VGLL2: variants seen among roughly 807,000 people sequenced by gnomAD.
VGLL2 encodes the protein transcription cofactor vestigial-like protein 2.
VGLL2 carries 18 observed loss-of-function variants against 27.0 expected under a neutral mutation model. The observed-to-expected ratio is 0.67, with a 90% CI of 0.46 to 0.99. VGLL2 has a LOEUF of 0.99. Among genes scored for constraint, VGLL2 ranks in the 50% least tolerant of loss-of-function variants. VGLL2 has a pLI of 0.00. For synonymous variants in VGLL2, 220 were observed against 201.1 expected, an observed-to-expected ratio of 1.09 and a Z score of -0.80; for missense variants, 491 against 452.3, an observed-to-expected ratio of 1.09 and a Z score of -0.78.
chr6:117,270,976 G>A lies in VGLL2; in HGVS notation c.825G>A (p.Pro275=). 2 of 1,231,648 alleles carry A rather than the reference G, an allele frequency of 1.6e-6. No individual in the cohort carries two copies. The highest frequency in any genetic ancestry group is 6.4e-5 in the East Asian group (2 of 31,040). The allele number at this position is 1,231,648 out of a possible 1,614,324, so 76.3% of individuals were successfully genotyped here. A position where few individuals can be genotyped will look rare whatever the true frequency, so the allele number is the denominator to read the frequency against. Residue 275 remains proline (P), a synonymous_variant, in exon 3 of 4, where the codon CCG becomes CCA. Coordinates refer to ENST00000326274, the MANE Select transcript of VGLL2 (RefSeq NM_182645.3). Reference sequence around the variant, plus strand: ...GCGAGCTCTCCGGCAAAGGCGAGCCGGCGGGCGCCGCGTGGGCCGGGCCCG... The same window carrying A: ...GCGAGCTCTCCGGCAAAGGCGAGCCAGCGGGCGCCGCGTGGGCCGGGCCCG... ...PPCELSGKGE[P]AGAAWAGPGG... is the part of the protein sequence containing the mutation.
Position 117,272,537 on chromosome 6 carries a change from G to A in VGLL2, c.*43G>A. On this transcript the variant is annotated 3_prime_UTR_variant, in exon 4 of 4. Coordinates refer to ENST00000326274, the MANE Select transcript of VGLL2 (RefSeq NM_182645.3). ...TCCCCTTCCCCTTCCCTTCTGACCAGCCTTGGAGGCTCAGCATCTGTGCCT... is the reference window on the plus strand; with the variant it reads ...TCCCCTTCCCCTTCCCTTCTGACCAACCTTGGAGGCTCAGCATCTGTGCCT... 1 of 1,613,600 alleles carries A rather than the reference G, an allele frequency of 6.2e-7. No homozygotes were observed. The highest frequency in any genetic ancestry group is 1.1e-5 in the South Asian group (1 of 90,942).
At position 117,265,755 on chromosome 6, in the gene VGLL2, C is replaced by T; in HGVS notation, c.-9C>T. Reference sequence around the variant, plus strand: ...AAAAAACACTTAACCGTCTCCGCTGCGGAGAGTCATGAGCTGTCTGGATGT... The same window carrying T: ...AAAAAACACTTAACCGTCTCCGCTGTGGAGAGTCATGAGCTGTCTGGATGT... On this transcript the variant is annotated 5_prime_UTR_variant, in exon 1 of 4. Coordinates refer to ENST00000326274, the MANE Select transcript of VGLL2 (RefSeq NM_182645.3). The T allele has an allele frequency of 6.2e-7, 1 of 1,613,384 alleles. No individual in the cohort carries two copies. The highest frequency in any genetic ancestry group is 8.5e-7 in the Non-Finnish European group (1 of 1,179,302).
intron 1 of VGLL2, 89 bp downstream of exon 1, chr6:117,265,933 C>A (rs978371679): frequency 2.0e-5 from 25 of 1,265,864 alleles, no homozygotes; most frequent in Middle Eastern, 2.1e-4. Context: ...GCTGTGCCTC[C>A]GCGCGTCTCG....
chr6:117,269,110 A>G (rs1398706646), intron 2 of VGLL2, among the ~76,000 whole-genome samples: 1 of 152,236 alleles, frequency 6.6e-6, no homozygotes, highest in Non-Finnish European at 1.5e-5. Flanking sequence ...AATAACAAAG[A>G]AACAAAAATT....
chr6:117,270,829 C>A lies in VGLL2; in HGVS notation c.678C>A (p.Ala226=), dbSNP rs1009870107. The stretch of plus-strand genomic sequence containing the variant: ...CCGCCCCCTACCCGCGCCCCGCCGC[C>A]GTGCACGAAGTCTACGCGCCGCACT... ...AQAAPYPRPA[A]VHEVYAPHFD... The change falls in exon 3 of 4, where the codon GCC becomes GCA. Residue 226 remains alanine (A), a synonymous_variant. Coordinates refer to ENST00000326274, the MANE Select transcript of VGLL2 (RefSeq NM_182645.3). The A allele has an allele frequency of 2.1e-6, 3 of 1,430,936 alleles. No individual in the cohort carries two copies. Among genetic ancestry groups the A allele is most frequent in the Middle Eastern group, 2.5e-4 (1 of 3,968 alleles). The allele number at this position is 1,430,936 out of a possible 1,614,324, so 88.6% of individuals were successfully genotyped here.
chr6:117,268,416 G>A lies in VGLL2; in HGVS notation c.316G>A (p.Ala106Thr). The A allele has an allele frequency of 1.2e-6, 2 of 1,614,106 alleles. No individual in the cohort carries two copies. The highest frequency in any genetic ancestry group is 1.7e-6 in the Non-Finnish European group (2 of 1,180,004). Residue 106 changes from alanine (A) to threonine (T), a missense_variant, in exon 2 of 4, where the codon GCC becomes ACC. Physicochemically the swap from Ala to Thr is moderately conservative, Grantham distance 58 (BLOSUM62 0). Transcript: ENST00000326274. ...SSVVDEHFSR[A>T]LSQPSSYSPS... The stretch of plus-strand genomic sequence containing the variant: ...CGTGGTGGATGAACATTTCAGCAGG[G>A]CCCTGAGCCAACCCAGCAGCTACTC...
At position 117,272,651 on chromosome 6, in the gene VGLL2, T is replaced by G. The variant is rs1481593526; in HGVS notation, c.*157T>G. On this transcript the variant is annotated 3_prime_UTR_variant, in exon 4 of 4. Coordinates refer to ENST00000326274, the MANE Select transcript of VGLL2 (RefSeq NM_182645.3). ...AACCAAAAACCACAACTACAGAAATTCATCTAAAAATAAGTCCTGCTGCTG... is the reference window on the plus strand; with the variant it reads ...AACCAAAAACCACAACTACAGAAATGCATCTAAAAATAAGTCCTGCTGCTG... The G allele has an allele frequency of 4.8e-6, 5 of 1,039,692 alleles. No homozygotes were observed. In the African/African-American group the frequency reaches 4.8e-5, roughly 10 times the overall value. 64.4% of individuals were successfully genotyped at this position (1,039,692 alleles called of 1,614,324 possible). A position where few individuals can be genotyped will look rare whatever the true frequency, so the allele number is the denominator to read the frequency against.
At position 117,265,732 on chromosome 6, in the gene VGLL2, A is replaced by T; in HGVS notation, c.-32A>T. The T allele has an allele frequency of 6.2e-7, 1 of 1,603,144 alleles. No individual in the cohort carries two copies. The highest frequency in any genetic ancestry group is 8.5e-7 in the Non-Finnish European group (1 of 1,170,204). ...GCTCCGGGGAAGGAGAGTTAATGAAAAAACACTTAACCGTCTCCGCTGCGG... is the reference window on the plus strand; with the variant it reads ...GCTCCGGGGAAGGAGAGTTAATGAATAAACACTTAACCGTCTCCGCTGCGG... On this transcript the variant is annotated 5_prime_UTR_variant, in exon 1 of 4. An upstream open reading frame in the 5' UTR gains an earlier in-frame stop. Transcript: ENST00000326274.
chr6:117,270,458 G>T, intron 2 of VGLL2, 85 bp from the exon 3 acceptor site: 1 of 1,437,842 alleles, frequency 7.0e-7, no homozygotes, highest in South Asian at 1.4e-5. Context: ...TCTCGGGCGG[G>T]ACGTGCAGGT....
intron 2 of VGLL2, among the ~76,000 whole-genome samples, chr6:117,269,007 G>A (rs1698350275): frequency 6.6e-6 from 1 of 152,332 alleles, no homozygotes. Flanking sequence ...AGCAAAACCT[G>A]TTTGAGAATG....
chr6:117,272,228 CCTTCTT>C, intron 3 of VGLL2: 1 of 822,750 alleles, frequency 1.2e-6, no homozygotes, highest in Non-Finnish European at 1.5e-6. Flanking sequence ...TTCTCCTTCT[CCTTCTT>C]CTTCTCTCTC....
In VGLL2 at chr6:117,265,713, G is replaced by C; in HGVS notation, c.-51G>C. The C allele has an allele frequency of 1.3e-6, 2 of 1,541,010 alleles. No homozygotes were observed. The highest frequency in any genetic ancestry group is 2.2e-5 in the South Asian group (2 of 88,948). On this transcript the variant is annotated 5_prime_UTR_variant, in exon 1 of 4. Coordinates refer to ENST00000326274, the MANE Select transcript of VGLL2 (RefSeq NM_182645.3). ...GCCCATGCAGCACCCCTGAGCTCCG[G>C]GGAAGGAGAGTTAATGAAAAAACAC...
intron 1 of VGLL2, among the ~76,000 whole-genome samples, chr6:117,267,788 A>G (rs1047286074): frequency 6.6e-6 from 1 of 152,190 alleles, no homozygotes; most frequent in Non-Finnish European, 1.5e-5. Flanking sequence ...GTCAGGCTCT[A>G]TCTGGACTTG....
chr6:117,270,786 G>A lies in VGLL2; in HGVS notation c.635G>A (p.Gly212Asp). 1 of 1,445,028 alleles carries A rather than the reference G, an allele frequency of 6.9e-7. No individual in the cohort carries two copies. The highest frequency in any genetic ancestry group is 9.1e-7 in the Non-Finnish European group (1 of 1,104,434). 89.5% of individuals were successfully genotyped at this position (1,445,028 alleles called of 1,614,324 possible). ...CCGCATCACCCCTACGCCCTGGGCG[G>A]CGCCCTCGGCGCCCAGGCCGCCCCC... ...AHPHHPYALG[G>D]ALGAQAAPYP... Residue 212 changes from glycine (G) to aspartate (D), a missense_variant, in exon 3 of 4, where the codon GGC (glycine) becomes GAC (aspartate). By Grantham distance (94) the Gly-to-Asp change is moderately conservative (BLOSUM62 -1). Transcript: ENST00000326274.
At chr6:117,271,143 A>C in intron 3 of VGLL2, 79 bp downstream of exon 3, 24 of 1,121,530 alleles carry the variant, frequency 2.1e-5, no homozygotes, top group East Asian at 3.5e-5. Flanking sequence ...AGACCCCTTA[A>C]TCCTCCTTGG....
chr6:117,267,577 A>C (rs1485969494), intron 1 of VGLL2, among the ~76,000 whole-genome samples: 1 of 152,192 alleles, frequency 6.6e-6, no homozygotes, highest in Non-Finnish European at 1.5e-5. Flanking sequence ...TTTTTACCCC[A>C]CACAATTCAT....
chr6:117,272,481 C>T lies in VGLL2; in HGVS notation c.941C>T (p.Ser314Phe). The T allele has an allele frequency of 6.2e-7, 1 of 1,614,146 alleles. No homozygotes were observed. Among genetic ancestry groups the T allele is most frequent in the South Asian group, 1.1e-5 (1 of 91,070 alleles). The change falls in exon 4 of 4, where the codon TCC (serine) becomes TTC (phenylalanine). Residue 314 changes from serine to phenylalanine, a missense_variant. Ser to Phe is a radical substitution (Grantham distance 155, BLOSUM62 -2). Transcript: ENST00000326274. ...SARRYSLCGASLLS is the reference protein window; with the variant it reads ...SARRYSLCGAFLLS ...CGTCGTTATTCCCTCTGTGGTGCAT[C>T]CCTCCTGAGCTGATCTGCTGACCCA... is the stretch of plus-strand genomic sequence containing the variant.
chr6:117,268,141 C>T (rs532701676), intron 1 of VGLL2, 41 bp from the exon 2 acceptor site: 1 of 1,594,748 alleles, frequency 6.3e-7, no homozygotes, highest in Non-Finnish European at 8.6e-7. Context: ...TTTGCCATCG[C>T]TTTTGAAATT....
In VGLL2 at chr6:117,270,883, GC is replaced by G; in HGVS notation, c.734del (p.Pro245GlnfsTer72). ...ACCCGCGCTATGGGCCGCTGCTGATGCCAGCCGCCTCGGGGCGCCCGGCCCG... is the reference window on the plus strand; with the variant it reads ...ACCCGCGCTATGGGCCGCTGCTGATGCAGCCGCCTCGGGGCGCCCGGCCCG... The part of the protein sequence containing the change: ...FDPRYGPLLM[P>X]AASGRPARLA... On this transcript the variant is annotated frameshift_variant, in exon 3 of 4. Coordinates refer to ENST00000326274, the MANE Select transcript of VGLL2 (RefSeq NM_182645.3). 1 of 1,322,308 alleles carries G rather than the reference GC, an allele frequency of 7.6e-7. No homozygotes were observed. The highest frequency in any genetic ancestry group is 9.7e-7 in the Non-Finnish European group (1 of 1,036,172). 81.9% of individuals were successfully genotyped at this position (1,322,308 alleles called of 1,614,324 possible).
Sources: allele counts gnomAD v4.1 joint callset (sites outside exome capture counted in the v4.1 genomes callset), GRCh38; gene constraint gnomAD v4.1.1; transcripts MANE v1.5; gene names NCBI Gene and HGNC (gene_info 2026-07-23, HGNC 2026-07-21).